Variants in DOP1A observed in about 807,000 individuals in gnomAD.
The protein encoded by DOP1A is DOP1 leucine zipper like protein A.
In DOP1A, 90 loss-of-function variants were observed where a neutral mutation model predicts 267.6. The observed-to-expected ratio is 0.34, with a 90% CI of 0.28 to 0.40. DOP1A has a LOEUF of 0.40. DOP1A is among the 10% of genes least tolerant of loss of function. DOP1A has a pLI of 1.00. For missense variants in DOP1A, 2,437 were observed against 2,900.4 expected (o/e 0.84, Z 3.67); for synonymous variants, 932 against 999.1 (o/e 0.93, Z 1.27).
At chr6:83,079,498 T>C (rs1306405456) in intron 1 of DOP1A, among the ~76,000 whole-genome samples, 1 of 152,194 alleles carries the variant, frequency 6.6e-6, no homozygotes, top group Non-Finnish European at 1.5e-5. Context: ...TTGGCTAGTA[T>C]GTATAGTACG....
rs762632774 is a variant in DOP1A at position 83,138,490 on chromosome 6, G to A, written c.4448G>A (p.Arg1483Gln). The change falls in exon 21 of 39, where the codon CGA (arginine) becomes CAA (glutamine). Residue 1483 changes from arginine (R) to glutamine (Q), a missense_variant. By Grantham distance (43) the Arg-to-Gln change is conservative (BLOSUM62 1). Around this residue, in one of 9 missense-constraint regions of DOP1A, gnomAD observed 878 missense variants for 992.9 expected, o/e 0.88. Transcript: ENST00000349129. ...ACTGCACAAGATTTAATAGGCAATC[G>A]AAACATGCAAATGATGAGCATAGAA... ...KVTAQDLIGNRNMQMMSIEIL... is the reference protein window; with the variant it reads ...KVTAQDLIGNQNMQMMSIEIL... 1.4e-5 allele frequency: 22 copies of A among 1,613,288 alleles called. No homozygotes were observed. The highest frequency in any genetic ancestry group is 4.5e-5 in the East Asian group (2 of 44,852).
Position 83,138,507 on chromosome 6 carries a change from A to G in DOP1A, c.4465A>G (p.Ser1489Gly), listed in dbSNP as rs1430089342. 6.2e-7 allele frequency: 1 copy of G among 1,613,560 alleles called. No homozygotes were observed. The highest frequency in any genetic ancestry group is 1.7e-5 in the Admixed American group (1 of 59,982). The part of the protein sequence containing the change: ...LIGNRNMQMM[S>G]IEILTLLFTE... ...AGGCAATCGAAACATGCAAATGATGAGCATAGAAATTCTGACACTACTCTT... is the reference window on the plus strand; with the variant it reads ...AGGCAATCGAAACATGCAAATGATGGGCATAGAAATTCTGACACTACTCTT... The change falls in exon 21 of 39, where the codon AGC (serine) becomes GGC (glycine). Residue 1489 changes from serine (S) to glycine (G), a missense_variant. Physicochemically the swap from Ser to Gly is moderately conservative, Grantham distance 56. Transcript: ENST00000349129.
At chr6:83,132,364 G>C in intron 18 of DOP1A, 36 bp downstream of exon 18, 2 of 1,556,138 alleles carry the variant, frequency 1.3e-6, no homozygotes, top group Non-Finnish European at 1.7e-6. Context: ...CGCCCCCTCC[G>C]CCACACACAC....
At chr6:83,154,296 C>T (rs1280162766) in intron 33 of DOP1A, 55 bp downstream of exon 33, 1 of 1,503,774 alleles carries the variant, frequency 6.6e-7, no homozygotes, top group Admixed American at 1.7e-5. Flanking sequence ...TTCCTTCTTA[C>T]TATTTACTTG....
intron 15 of DOP1A, 78 bp downstream of exon 15, chr6:83,125,811 A>G: frequency 1.7e-6 from 2 of 1,202,474 alleles, no homozygotes; most frequent in Non-Finnish European, 2.3e-6. Flanking sequence ...AAAATCACTT[A>G]TACATAAGCA....
chr6:83,146,544 CAAATT>C (rs1203752938), intron 25 of DOP1A, among the ~76,000 whole-genome samples: 1 of 152,106 alleles, frequency 6.6e-6, no homozygotes, highest in Non-Finnish European at 1.5e-5. Context: ...GATATGAAAA[CAAATT>C]AGAGCCAATC....
intron 4 of DOP1A, among the ~76,000 whole-genome samples, chr6:83,101,502 ATC>A (rs1255115420): frequency 6.6e-6 from 1 of 152,152 alleles, no homozygotes; most frequent in Non-Finnish European, 1.5e-5. Context: ...GGATACCTTG[ATC>A]TCTCAGCAAC....
intron 1 of DOP1A, among the ~76,000 whole-genome samples, chr6:83,086,730 G>A (rs1294581402): frequency 6.6e-6 from 1 of 152,106 alleles, no homozygotes; most frequent in African/African-American, 2.4e-5. Flanking sequence ...ATTTTTATAC[G>A]GGTTTTTTTC....
intron 1 of DOP1A, among the ~76,000 whole-genome samples, chr6:83,093,151 A>G (rs1392982988): frequency 1.3e-5 from 2 of 152,216 alleles, no homozygotes; most frequent in East Asian, 3.8e-4. Context: ...CACTGTCCCA[A>G]TTGGGAATGA....
chr6:83,110,272 G>A lies in DOP1A; in HGVS notation c.639G>A (p.Met213Ile). 6.2e-7 allele frequency: 1 copy of A among 1,613,912 alleles called. No individual in the cohort carries two copies. The highest frequency in any genetic ancestry group is 8.5e-7 in the Non-Finnish European group (1 of 1,179,938). The change falls in exon 6 of 39, where the codon ATG (methionine) becomes ATA (isoleucine). Residue 213 changes from methionine (M) to isoleucine (I), a missense_variant. This residue lies in a region of DOP1A where 251 missense variants were observed against 359.1 expected (regional missense o/e 0.70). Coordinates refer to ENST00000349129, the MANE Select transcript of DOP1A (RefSeq NM_015018.4). ...VLAHLNRKLS[M>I]EDQLYIIGSD... ...CCCATTTAAACAGGAAGCTTTCTAT[G>A]GAAGATCAACTTTATATAATTGGCA... is the stretch of plus-strand genomic sequence containing the variant.
chr6:83,088,031 C>T (rs1307482715), intron 1 of DOP1A, among the ~76,000 whole-genome samples: 2 of 152,262 alleles, frequency 1.3e-5, no homozygotes, highest in Admixed American at 1.3e-4. Flanking sequence ...GCCGCCATGC[C>T]CGGCTAACCT....
chr6:83,133,634 CCATT>C (rs1778419605), intron 18 of DOP1A, among the ~76,000 whole-genome samples: 1 of 151,592 alleles, frequency 6.6e-6, no homozygotes, highest in Non-Finnish European at 1.5e-5. Flanking sequence ...ATTGTTTTAC[CCATT>C]ATTATATTAA....
intron 38 of DOP1A, among the ~76,000 whole-genome samples, chr6:83,164,173 C>A (rs1251173475): frequency 6.7e-6 from 1 of 149,112 alleles, no homozygotes; most frequent in African/African-American, 2.5e-5. Flanking sequence ...GGCAGCAGCT[C>A]TTAAACTGAA....
chr6:83,114,195 TTTTTC>T (rs202041031), intron 7 of DOP1A, among the ~76,000 whole-genome samples: 1,635 of 152,300 alleles, frequency 0.011, 39 homozygotes, highest in African/African-American at 0.036. Flanking sequence ...TTTATTAACA[TTTTTC>T]TTTTACTTAT....
intron 3 of DOP1A, among the ~76,000 whole-genome samples, chr6:83,099,070 A>G (rs1016715443): frequency 1.3e-5 from 2 of 152,058 alleles, no homozygotes; most frequent in Non-Finnish European, 1.5e-5. Flanking sequence ...GAGGGCAGGA[A>G]AAGTCAGAGA....
At chr6:83,164,680 G>C (rs764165793) in intron 38 of DOP1A, 36 of 1,586,672 alleles carry the variant, frequency 2.3e-5, no homozygotes, top group Non-Finnish European at 3.1e-5. Flanking sequence ...AGGACTTTAA[G>C]ACAGTGATTT....
intron 9 of DOP1A, 59 bp downstream of exon 9, chr6:83,119,916 G>T (rs1776086619): frequency 2.1e-6 from 3 of 1,405,526 alleles, no homozygotes; most frequent in African/African-American, 2.9e-5. Context: ...TAGTGAAAAA[G>T]TGTAAGACGA....
At chr6:83,099,916 C>A (rs1017601204) in intron 3 of DOP1A, among the ~76,000 whole-genome samples, 1 of 152,024 alleles carries the variant, frequency 6.6e-6, no homozygotes, top group Admixed American at 6.6e-5. Flanking sequence ...CTTCTAAATT[C>A]CAGTTCTAAC....
intron 23 of DOP1A, among the ~76,000 whole-genome samples, chr6:83,141,327 A>G (rs950250526): frequency 6.6e-6 from 1 of 152,116 alleles, no homozygotes; most frequent in Non-Finnish European, 1.5e-5. Context: ...GGGATAACTT[A>G]TTGATTTTTA....
Sources: allele counts gnomAD v4.1 joint callset (sites outside exome capture counted in the v4.1 genomes callset), GRCh38; gene constraint gnomAD v4.1.1; regional missense constraint gnomAD v4.1.1; transcripts MANE v1.5; gene names NCBI Gene and HGNC (gene_info 2026-07-23, HGNC 2026-07-21).